The following C1QTNF6 variants were observed in gnomAD, a reference collection of about 807,000 sequenced individuals.
C1QTNF6 encodes the protein complement C1q tumor necrosis factor-related protein 6.
In C1QTNF6, 17 loss-of-function variants were observed where a neutral mutation model predicts 20.7. That is an observed-to-expected ratio of 0.82 (90% CI 0.56 to 1.23). The LOEUF is 1.23. Ranked by LOEUF, C1QTNF6 falls within the 50% of genes most tolerant of loss-of-function variation. The probability of loss-of-function intolerance (pLI) is 0.00; values close to 1 mark genes in which losing one functional copy is unlikely to be tolerated. For synonymous variants in C1QTNF6, 130 were observed against 156.3 expected (o/e 0.83, Z 1.25); for missense variants, 329 against 389.7 (o/e 0.84, Z 1.31).
chr22:37,187,725 C>A (rs1013163931), intron 1 of C1QTNF6, among the ~76,000 whole-genome samples: 4 of 152,114 alleles, frequency 2.6e-5, no homozygotes, highest in Non-Finnish European at 5.9e-5. Flanking sequence ...AGACACAGAA[C>A]CGTGGCCTGG....
intron 2 of C1QTNF6, chr22:37,195,250 T>G (rs229540): frequency 0.49 from 75,155 of 152,126 alleles, 19,315 homozygotes; most frequent in East Asian, 0.69. Flanking sequence ...ACCTTCTTCA[T>G]TTGGGCCTCT....
chr22:37,186,722 T>C (rs1325643133), intron 1 of C1QTNF6, among the ~76,000 whole-genome samples: 2 of 152,216 alleles, frequency 1.3e-5, no homozygotes, highest in African/African-American at 4.8e-5. Flanking sequence ...TATCACAGGA[T>C]CAGAAACTCT....
upstream of C1QTNF6, among the ~76,000 whole-genome samples, chr22:37,192,175 A>T (rs992101649): frequency 6.6e-6 from 1 of 152,258 alleles, no homozygotes; most frequent in Non-Finnish European, 1.5e-5. Flanking sequence ...GTAGGGGGAA[A>T]GTCCACATTC....
chr22:37,194,089 A>G (rs1011510032), intron 2 of C1QTNF6, among the ~76,000 whole-genome samples: 6 of 152,192 alleles, frequency 3.9e-5, no homozygotes, highest in African/African-American at 1.4e-4. Context: ...GGTGGAGACT[A>G]AGAGAAAGTA....
upstream of C1QTNF6, among the ~76,000 whole-genome samples, chr22:37,188,832 T>A (rs1372488091): frequency 1.3e-5 from 2 of 152,364 alleles, no homozygotes; most frequent in Non-Finnish European, 2.9e-5. Context: ...TCAGGTATCA[T>A]GCAAGTGTTA....
Position 37,180,942 on chromosome 22 carries a change from G to A in C1QTNF6, c.*1246C>T, listed in dbSNP as rs1372429485. ...CCCCCCAAATGCCCCCACACTCCTG[G>A]GTCCTCTCCTCACAGAACCCTTGAC... On this transcript the variant is annotated 3_prime_UTR_variant, in exon 3 of 3. Transcript: ENST00000337843. 1 of 152,454 alleles carries A rather than the reference G, an allele frequency of 6.6e-6. No individual in the cohort carries two copies. The highest frequency in any genetic ancestry group is 1.5e-5 in the Non-Finnish European group (1 of 68,244). The allele number at this position is 152,454 out of a possible 1,614,324, so 9.4% of individuals were successfully genotyped here. A position where few individuals can be genotyped will look rare whatever the true frequency, so the allele number is the denominator to read the frequency against.
In C1QTNF6 at chr22:37,184,221, T is replaced by A; in HGVS notation, c.289+997A>T. ...TGCCAGGTGACCACTGGCTGTGCAG[T>A]GAGTGTCCCCGGGGAGAGCTCAGGA... On this transcript the variant is annotated intron_variant, in intron 2 of 2. Transcript: ENST00000337843. The surrounding 1 kb of genome is among the most constrained non-coding windows in gnomAD (Gnocchi z 4.0). The A allele has an allele frequency of 1.5e-6, 1 of 646,180 alleles. No homozygotes were observed. The highest frequency in any genetic ancestry group is 2.9e-6 in the Non-Finnish European group (1 of 346,470). 40.0% of individuals were successfully genotyped at this position (646,180 alleles called of 1,614,324 possible).
At position 37,182,628 on chromosome 22, in the gene C1QTNF6, C is replaced by T. The variant is rs200773711; in HGVS notation, c.397G>A (p.Gly133Ser). Reference protein sequence around the residue: ...QGSKGDKGEMGSPGAPCQKRF... With the variant: ...QGSKGDKGEMSSPGAPCQKRF... ...TTCTGGCACGGGGCGCCGGGGCTGCCCATCTCCCCCTTGTCACCCTTGCTG... is the reference window on the plus strand; with the variant it reads ...TTCTGGCACGGGGCGCCGGGGCTGCTCATCTCCCCCTTGTCACCCTTGCTG... Residue 133 changes from glycine (G) to serine (S), a missense_variant, in exon 3 of 3, where the codon GGC (glycine) becomes AGC (serine). By Grantham distance (56) the Gly-to-Ser change is moderately conservative. Coordinates refer to ENST00000337843, the MANE Select transcript of C1QTNF6 (RefSeq NM_031910.4). 1.4e-5 allele frequency: 22 copies of T among 1,613,618 alleles called. No individual in the cohort carries two copies. The highest frequency in any genetic ancestry group is 2.2e-5 in the South Asian group (2 of 91,080).
chr22:37,194,512 T>C (rs1478387397), intron 2 of C1QTNF6, among the ~76,000 whole-genome samples: 2 of 152,196 alleles, frequency 1.3e-5, no homozygotes, highest in Non-Finnish European at 2.9e-5. Flanking sequence ...TGGGTTCCCT[T>C]TCTCTCTGTG....
rs1312408038 is a variant in C1QTNF6, at chr22:37,184,705, G to A, written c.289+513C>T. Among the ~76,000 whole-genome samples, 3 of 152,076 alleles carry A rather than the reference G, an allele frequency of 2.0e-5. No individual in the cohort carries two copies. Among genetic ancestry groups the A allele is most frequent in the East Asian group, 1.9e-4 (1 of 5,180 alleles). On this transcript the variant is annotated intron_variant, in intron 2 of 2. Coordinates refer to ENST00000337843, the MANE Select transcript of C1QTNF6 (RefSeq NM_031910.4). The surrounding 1 kb of genome is among the most constrained non-coding windows in gnomAD (Gnocchi z 4.0). ...TGCCCCTGTTCCCACTCCACTCAGC[G>A]GAGCCCAAGTCCCTACAGTAGCCGG...
intron 2 of C1QTNF6, among the ~76,000 whole-genome samples, chr22:37,194,322 A>C (rs1925008314): frequency 6.6e-6 from 1 of 152,210 alleles, no homozygotes; most frequent in Non-Finnish European, 1.5e-5. Flanking sequence ...CATAGCACTA[A>C]GTACACCAGA....
At chr22:37,188,103 G>T (rs985886340) in intron 1 of C1QTNF6, 60 bp downstream of exon 1, 32 of 1,539,614 alleles carry the variant, frequency 2.1e-5, no homozygotes, top group Admixed American at 9.2e-5. Context: ...CAAGGAGGGA[G>T]GAGAGGAATT....
chr22:37,185,483 T>C, intron 1 of C1QTNF6, 28 bp from the exon 2 acceptor site: 1 of 1,560,078 alleles, frequency 6.4e-7, no homozygotes, highest in East Asian at 2.3e-5. Context: ...GGACAGGAAC[T>C]ATACTTCACT....
At chr22:37,186,209 T>C (rs1162816436) in intron 1 of C1QTNF6, among the ~76,000 whole-genome samples, 1 of 152,136 alleles carries the variant, frequency 6.6e-6, no homozygotes, top group Admixed American at 6.5e-5. Context: ...GTCTTTAGAG[T>C]GCCTTTGTGC....
chr22:37,196,111 G>A (rs1323767268), intron 1 of C1QTNF6: 1 of 152,268 alleles, frequency 6.6e-6, no homozygotes, highest in African/African-American at 2.4e-5. Context: ...CTCTGACACA[G>A]GGCCAGGGCG....
At chr22:37,183,512 A>T in intron 2 of C1QTNF6, among the ~76,000 whole-genome samples, 1 of 152,188 alleles carries the variant, frequency 6.6e-6, no homozygotes, top group East Asian at 1.9e-4. Context: ...CTTTCAACAT[A>T]AGAAAAGCAG....
intron 1 of C1QTNF6, among the ~76,000 whole-genome samples, chr22:37,187,573 T>TA (rs5845322): frequency 0.17 from 24,935 of 147,160 alleles, 2,604 homozygotes; most frequent in Non-Finnish European, 0.24. Context: ...ATAAAAGACT[T>TA]AAAAAAAAAA....
chr22:37,194,384 A>T (rs560047902), intron 2 of C1QTNF6, among the ~76,000 whole-genome samples: 9 of 152,330 alleles, frequency 5.9e-5, no homozygotes, highest in Middle Eastern at 3.4e-3. Context: ...TATTAATCAA[A>T]TTCCTTGCAG....
chr22:37,193,566 T>C (rs1924946361), intron 2 of C1QTNF6, among the ~76,000 whole-genome samples: 1 of 152,220 alleles, frequency 6.6e-6, no homozygotes, highest in African/African-American at 2.4e-5. Flanking sequence ...TGGATATCCA[T>C]TTTTAATTAA....
Sources: gnomAD v4.1 joint callset for allele counts (sites outside exome capture counted in the v4.1 genomes callset) on GRCh38, gnomAD v4.1.1 for gene constraint, Gnocchi (gnomAD v3.1) non-coding constraint, MANE v1.5 for transcripts, NCBI Gene and HGNC (gene_info 2026-07-23, HGNC 2026-07-21) for gene names.